The following SYCP2 variants were observed in gnomAD, a reference collection of about 807,000 sequenced individuals.
SYCP2 encodes synaptonemal complex protein 2, also known as synaptonemal complex lateral element protein.
SYCP2 carries 55 observed loss-of-function variants against 211.3 expected under a neutral mutation model. The observed-to-expected ratio is 0.26, with a 90% CI of 0.21 to 0.33. The LOEUF is 0.33. SYCP2 is among the 10% of genes least tolerant of loss of function. SYCP2 has a pLI of 1.00. For synonymous variants in SYCP2, 570 were observed against 555.2 expected (o/e 1.03, Z -0.37); for missense variants, 1,731 against 1,752.0 (o/e 0.99, Z 0.21).
rs773768135 is a variant in SYCP2, at chr20:59,892,737, C to T, written c.1794-36G>A. The T allele has an allele frequency of 5.1e-6, 8 of 1,577,602 alleles. No individual in the cohort carries two copies. The South Asian group carries it at 9.4e-5, about 19-fold the overall frequency. On this transcript the variant is annotated intron_variant, in intron 22 of 44. Coordinates refer to ENST00000357552, the MANE Select transcript of SYCP2 (RefSeq NM_014258.4). Reference sequence around the variant, plus strand: ...AATTAATTTGCTTAATGTTACAAAACATTAGCCTGTGACTTTAAGACCTTG... The same window carrying T: ...AATTAATTTGCTTAATGTTACAAAATATTAGCCTGTGACTTTAAGACCTTG...
rs1397943376 is a variant in SYCP2, at chr20:59,915,342, AATTAT to A, written c.599+118_599+122del. On this transcript the variant is annotated intron_variant, in intron 9 of 44. Transcript: ENST00000357552. ...TTGCAGAAATTATATGCATACACTA[AATTAT>A]ATTAAAAAGCTGCAACAGTTTATCA... 5.1e-6 allele frequency: 5 copies of A among 972,596 alleles called. No homozygotes were observed. In the African/African-American group the frequency reaches 8.2e-5, roughly 16 times the overall value. The allele number at this position is 972,596 out of a possible 1,614,324, so 60.2% of individuals were successfully genotyped here.
chr20:59,881,553 G>A (rs1200302047), intron 28 of SYCP2, 61 bp from the exon 29 acceptor site: 47 of 812,878 alleles, frequency 5.8e-5, no homozygotes, highest in Non-Finnish European at 7.5e-5. Context: ...AGATTAAAAG[G>A]AATAAACATA....
In SYCP2 at chr20:59,933,618, G is replaced by C. The variant is rs1316948523; in HGVS notation, c.-189C>G. The C allele has an allele frequency of 6.6e-6, 1 of 151,850 alleles. No homozygotes were observed. Among genetic ancestry groups the C allele is most frequent in the Non-Finnish European group, 1.5e-5 (1 of 67,966 alleles). The allele number at this position is 151,850 out of a possible 1,614,324, so 9.4% of individuals were successfully genotyped here. A position where few individuals can be genotyped will look rare whatever the true frequency, so the allele number is the denominator to read the frequency against. ...TGTCGGTGGAGCCGCCCCCTATGCC[G>C]CCGAGCGTCGCAACTCTGCGCCTCA... is the stretch of plus-strand genomic sequence containing the variant. On this transcript the variant is annotated 5_prime_UTR_variant, in exon 1 of 45. Coordinates refer to ENST00000357552, the MANE Select transcript of SYCP2 (RefSeq NM_014258.4).
chr20:59,882,120 C>T lies in SYCP2; in HGVS notation c.2575G>A (p.Val859Ile). 2.5e-6 allele frequency: 4 copies of T among 1,612,796 alleles called. No individual in the cohort carries two copies. The highest frequency in any genetic ancestry group is 3.4e-6 in the Non-Finnish European group (4 of 1,179,392). The change falls in exon 27 of 45, where the codon GTT becomes ATT. Residue 859 changes from valine (V) to isoleucine (I), a missense_variant. Physicochemically the swap from Val to Ile is conservative, Grantham distance 29. This residue lies in a region of SYCP2 where 1,387 missense variants were observed against 1,351.3 expected (regional missense o/e 1.03). Transcript: ENST00000357552. ...KSYRKLKTTF[V>I]NVTSECPVND... ...ACTGGGCATTCAGAAGTAACATTAA[C>T]AAAGGTAGTCTTCAGTTTTCTGTAG...
At chr20:59,887,818 A>G (rs1439617507) in intron 24 of SYCP2, among the ~76,000 whole-genome samples, 1 of 152,044 alleles carries the variant, frequency 6.6e-6, no homozygotes, top group African/African-American at 2.4e-5. Context: ...AAAAAAAAAC[A>G]GAAATTACTA....
intron 19 of SYCP2, among the ~76,000 whole-genome samples, chr20:59,895,914 TTAAC>T (rs1356153546): frequency 6.6e-6 from 1 of 152,118 alleles, no homozygotes; most frequent in Non-Finnish European, 1.5e-5. Flanking sequence ...GACTAAGACT[TTAAC>T]TAGTACACAG....
At chr20:59,894,407 C>T (rs964475219) in intron 20 of SYCP2, among the ~76,000 whole-genome samples, 1 of 151,858 alleles carries the variant, frequency 6.6e-6, no homozygotes, top group African/African-American at 2.4e-5. Flanking sequence ...TTAAGAAACA[C>T]TTAGACAACT....
intron 33 of SYCP2, among the ~76,000 whole-genome samples, chr20:59,876,240 G>A (rs548411085): frequency 1.5e-4 from 22 of 151,088 alleles, no homozygotes; most frequent in East Asian, 3.9e-4. Context: ...GCGTGGTGGC[G>A]TGCGCCTGTA....
chr20:59,887,816 A>C (rs2059825071), intron 24 of SYCP2, among the ~76,000 whole-genome samples: 1 of 152,006 alleles, frequency 6.6e-6, no homozygotes, highest in Non-Finnish European at 1.5e-5. Context: ...GAAAAAAAAA[A>C]CAGAAATTAC....
intron 13 of SYCP2, 48 bp downstream of exon 13, chr20:59,912,325 T>C (rs761043559): frequency 4.0e-6 from 3 of 757,358 alleles, no homozygotes; most frequent in African/African-American, 1.8e-5. Context: ...CACTTGACTA[T>C]CAAAATTCAT....
chr20:59,902,288 G>A (rs6071020), intron 15 of SYCP2, among the ~76,000 whole-genome samples: 2 of 152,092 alleles, frequency 1.3e-5, no homozygotes, highest in African/African-American at 2.4e-5. Context: ...GAGATTGTGA[G>A]GTGAGAAGGA....
In SYCP2 at chr20:59,864,167, A is replaced by C. The variant is rs547202532; in HGVS notation, c.*144T>G. On this transcript the variant is annotated 3_prime_UTR_variant, in exon 45 of 45. Transcript: ENST00000357552. Reference sequence around the variant, plus strand: ...GGTTCCCTCTCATCCATTAAAAGACATTTTTTTTTAATTTGAGGGTTCCTA... The same window carrying C: ...GGTTCCCTCTCATCCATTAAAAGACCTTTTTTTTTAATTTGAGGGTTCCTA... The C allele has an allele frequency of 1.9e-6, 1 of 517,034 alleles. No homozygotes were observed. The highest frequency in any genetic ancestry group is 3.3e-6 in the Non-Finnish European group (1 of 299,958). 32.0% of individuals were successfully genotyped at this position (517,034 alleles called of 1,614,324 possible). A position where few individuals can be genotyped will look rare whatever the true frequency, so the allele number is the denominator to read the frequency against.
At chr20:59,925,344 C>T (rs558785052) in intron 2 of SYCP2, among the ~76,000 whole-genome samples, 67 of 152,044 alleles carry the variant, frequency 4.4e-4, no homozygotes, top group Non-Finnish European at 2.6e-4. Flanking sequence ...ACATCTTGCA[C>T]ATGTAGCCCA....
chr20:59,927,776 T>C (rs1009823185), intron 2 of SYCP2, among the ~76,000 whole-genome samples: 11 of 152,152 alleles, frequency 7.2e-5, no homozygotes, highest in Non-Finnish European at 1.6e-4. Context: ...ATTTGATTGG[T>C]AAATTTGGGA....
In SYCP2 at chr20:59,910,374, A is replaced by ATTTTTTTTTTTTTTTTT. The variant is rs898302276; in HGVS notation, c.972+1359_972+1375dup. ...GTATACTGCTATAGTGTAATTGCTT[A>ATTTTTTTTTTTTTTTTT]TTTTTTTTTTTTTTTTTTTTTTTTT... On this transcript the variant is annotated intron_variant, in intron 14 of 44. Coordinates refer to ENST00000357552, the MANE Select transcript of SYCP2 (RefSeq NM_014258.4). Among the ~76,000 whole-genome samples, 4 of 76,262 alleles carry ATTTTTTTTTTTTTTTTT rather than the reference A, an allele frequency of 5.2e-5. 1 individual carries two copies. The highest frequency in any genetic ancestry group is 8.3e-4 in the East Asian group (2 of 2,424). The allele number at this position is 76,262 out of a possible 152,430, so 50.0% of individuals were successfully genotyped here. A position where few individuals can be genotyped will look rare whatever the true frequency, so the allele number is the denominator to read the frequency against.
At chr20:59,913,718 T>C (rs547470822) in intron 12 of SYCP2, among the ~76,000 whole-genome samples, 82 of 152,228 alleles carry the variant, frequency 5.4e-4, no homozygotes, top group African/African-American at 1.9e-3. Context: ...TATTAATTAA[T>C]ATGAATTAAA....
At chr20:59,916,709 A>T in intron 7 of SYCP2, 138 bp from the exon 8 acceptor site, 1 of 573,134 alleles carries the variant, frequency 1.7e-6, no homozygotes, top group Non-Finnish European at 3.1e-6. Context: ...GAAGGCCCAG[A>T]TAGGTAGACT....
At chr20:59,879,392 C>A (rs560196955) in intron 31 of SYCP2, among the ~76,000 whole-genome samples, 1 of 150,878 alleles carries the variant, frequency 6.6e-6, no homozygotes, top group East Asian at 1.9e-4. Context: ...TAAACACATG[C>A]CAAAATTCAC....
At position 59,864,036 on chromosome 20, in the gene SYCP2, T is replaced by C. The variant is rs2059282074; in HGVS notation, c.*275A>G. 4.6e-6 allele frequency: 1 copy of C among 219,432 alleles called. No individual in the cohort carries two copies. Among genetic ancestry groups the C allele is most frequent in the Non-Finnish European group, 8.9e-6 (1 of 112,372 alleles). 13.6% of individuals were successfully genotyped at this position (219,432 alleles called of 1,614,324 possible). A position where few individuals can be genotyped will look rare whatever the true frequency, so the allele number is the denominator to read the frequency against. ...ATTTAATTTATTAAAGAAACTCATT[T>C]TATGAGTATAATTAACTCAAAAAGT... On this transcript the variant is annotated 3_prime_UTR_variant, in exon 45 of 45. Coordinates refer to ENST00000357552, the MANE Select transcript of SYCP2 (RefSeq NM_014258.4).
Sources: gnomAD v4.1 joint callset for allele counts (sites outside exome capture counted in the v4.1 genomes callset) on GRCh38, gnomAD v4.1.1 for gene constraint, gnomAD v4.1.1 regional missense constraint, MANE v1.5 for transcripts, NCBI Gene and HGNC (gene_info 2026-07-23, HGNC 2026-07-21) for gene names.